VPS37B: variants seen among roughly 807,000 people sequenced by gnomAD.
VPS37B encodes vacuolar protein sorting-associated protein 37B.
A neutral mutation model predicts 21.2 loss-of-function variants in VPS37B; 11 were observed. The observed-to-expected ratio is 0.52, with a 90% CI of 0.33 to 0.86. The LOEUF (loss-of-function observed/expected upper bound fraction) is 0.86, where lower values mean the gene tolerates loss of function less well. Ranked by LOEUF, VPS37B falls within the 40% of genes least tolerant of loss-of-function variation. The pLI is 0.03. For synonymous variants in VPS37B, 175 were observed against 159.6 expected, an observed-to-expected ratio of 1.10 and a Z score of -0.73; for missense variants, 389 against 374.8, an observed-to-expected ratio of 1.04 and a Z score of -0.31.
intron 1 of VPS37B, chr12:122,885,808 C>G (rs1031158784): frequency 1.3e-5 from 2 of 149,138 alleles, no homozygotes; most frequent in African/African-American, 4.9e-5. Context: ...CTCAGCCTCC[C>G]GAGTAGCTGG....
chr12:122,873,369 G>A (rs1038871748), intron 1 of VPS37B: 2 of 152,158 alleles, frequency 1.3e-5, no homozygotes, highest in Non-Finnish European at 1.5e-5. Context: ...TTCTCCTGCT[G>A]GTCTCACCTG....
rs140790185 is a variant in VPS37B at position 122,893,102 on chromosome 12, T to C, written c.111+2850A>G. Among the ~76,000 whole-genome samples the C allele has an allele frequency of 1.2e-3, 175 of 151,936 alleles. 1 individual carries two copies. Among genetic ancestry groups the C allele is most frequent in the African/African-American group, 3.9e-3 (161 of 41,430 alleles). ...AAAAGGTAAATGTTTTTTAGGCTAA[T>C]TGCAAATCATAATTTACTCAACATT... On this transcript the variant is annotated intron_variant, in intron 1 of 3. Transcript: ENST00000267202.
At chr12:122,891,185 G>A (rs140689322) in intron 1 of VPS37B, among the ~76,000 whole-genome samples, 2,211 of 152,292 alleles carry the variant, frequency 0.015, 31 homozygotes, top group Non-Finnish European at 0.024. Context: ...TTCTGACTCC[G>A]ACCACTGTGT....
At chr12:122,895,841 C>T (rs1459601956) in intron 1 of VPS37B, 111 bp downstream of exon 1, 3 of 944,756 alleles carry the variant, frequency 3.2e-6, no homozygotes, top group Non-Finnish European at 5.0e-6. Context: ...CTAGCCCAGT[C>T]CCCTCAACAC....
intron 1 of VPS37B, chr12:122,878,625 CAA>C (rs1427442511): frequency 7.0e-6 from 1 of 142,808 alleles, no homozygotes; most frequent in African/African-American, 2.6e-5. Context: ...AATCCAATGA[CAA>C]GAGTCCTTTT....
intron 1 of VPS37B, chr12:122,871,465 A>G (rs969163187): frequency 2.0e-6 from 2 of 990,506 alleles, no homozygotes; most frequent in Non-Finnish European, 2.4e-6. Context: ...TTAAGGAATC[A>G]CTTATCAGCA....
At chr12:122,872,310 G>A in intron 1 of VPS37B, 1 of 985,442 alleles carries the variant, frequency 1.0e-6, no homozygotes. Flanking sequence ...AACCCCAGCA[G>A]GAGGGCTCTT....
At chr12:122,883,876 A>G (rs1361915418) in intron 1 of VPS37B, 1 of 152,212 alleles carries the variant, frequency 6.6e-6, no homozygotes, top group Non-Finnish European at 1.5e-5. Context: ...GAAATATACT[A>G]ACAGGTGTCA....
chr12:122,892,889 C>T (rs1439999151), intron 1 of VPS37B, among the ~76,000 whole-genome samples: 2 of 152,138 alleles, frequency 1.3e-5, no homozygotes, highest in African/African-American at 2.4e-5. Flanking sequence ...GCTGAAACTC[C>T]GTCTCTACTA....
chr12:122,896,007 T>C lies in VPS37B; in HGVS notation c.56A>G (p.Asn19Ser), dbSNP rs147592834. 5.2e-5 allele frequency: 83 copies of C among 1,605,150 alleles called. No individual in the cohort carries two copies. Among genetic ancestry groups the C allele is most frequent in the Non-Finnish European group, 6.3e-5 (74 of 1,177,024 alleles). Residue 19 changes from asparagine to serine, a missense_variant, in exon 1 of 4, where the codon AAC becomes AGC. Physicochemically the swap from Asn to Ser is conservative, Grantham distance 46. Coordinates refer to ENST00000267202, the MANE Select transcript of VPS37B (RefSeq NM_024667.3). ...RFAGLSLVQL[N>S]ELLEDEGQLT... ...CTGGCCCTCGTCCTCCAGCAGCTCG[T>C]TGAGCTGCACCAGCGACAGCCCGGC...
In VPS37B at chr12:122,872,281, C is replaced by A. The variant is rs1466590361; in HGVS notation, c.112-1220G>T. On this transcript the variant is annotated intron_variant, in intron 1 of 3. Transcript: ENST00000267202. ...AAAGAAAGAAGCCCTTGGATCCATG[C>A]CTCAATCAGGAGATCCCTAACCCCA... The A allele has an allele frequency of 4.1e-6, 4 of 985,358 alleles. No homozygotes were observed. In the African/African-American group the frequency reaches 5.2e-5, roughly 13 times the overall value. 61.0% of individuals were successfully genotyped at this position (985,358 alleles called of 1,614,324 possible).
At position 122,872,204 on chromosome 12, in the gene VPS37B, C is replaced by T. The variant is rs568280293; in HGVS notation, c.112-1143G>A. ...TGTCATAGTTCCTGGTGCGCTCACA[C>T]GAGTGCACACGCACCACACACACAA... On this transcript the variant is annotated intron_variant, in intron 1 of 3. Coordinates refer to ENST00000267202, the MANE Select transcript of VPS37B (RefSeq NM_024667.3). 20 of 985,444 alleles carry T rather than the reference C, an allele frequency of 2.0e-5. No individual in the cohort carries two copies. In the South Asian group the frequency reaches 2.8e-4, roughly 14 times the overall value. 61.0% of individuals were successfully genotyped at this position (985,444 alleles called of 1,614,324 possible). A position where few individuals can be genotyped will look rare whatever the true frequency, so the allele number is the denominator to read the frequency against.
At chr12:122,874,972 A>C (rs1439545042) in intron 1 of VPS37B, 1 of 109,684 alleles carries the variant, frequency 9.1e-6, no homozygotes, top group South Asian at 2.7e-4. Context: ...AAAAAAAAAA[A>C]AAAAAAAAAC....
chr12:122,890,388 G>C (rs1393008596), intron 1 of VPS37B, among the ~76,000 whole-genome samples: 1 of 151,066 alleles, frequency 6.6e-6, no homozygotes. Flanking sequence ...CTGAAGTGCA[G>C]TGGCATGATC....
At chr12:122,876,814 A>T (rs909592708) in intron 1 of VPS37B, 5 of 152,194 alleles carry the variant, frequency 3.3e-5, no homozygotes, top group Non-Finnish European at 5.9e-5. Context: ...TCAGCAAGAA[A>T]GAAAAGAGAT....
intron 1 of VPS37B, among the ~76,000 whole-genome samples, chr12:122,895,594 C>G (rs1165946376): frequency 6.6e-6 from 1 of 152,042 alleles, no homozygotes; most frequent in African/African-American, 2.4e-5. Context: ...GCTCCCTAAT[C>G]TCCACTTCAG....
chr12:122,867,007 C>T lies in VPS37B; in HGVS notation c.*109G>A. ...TTCTAAAATCAGACAGACACGCTGG[C>T]CCAGGGCCCCAGAGCCCTTGGCACA... On this transcript the variant is annotated 3_prime_UTR_variant, in exon 4 of 4. Coordinates refer to ENST00000267202, the MANE Select transcript of VPS37B (RefSeq NM_024667.3). This position sits in a 1 kb window ranked among gnomAD's most constrained non-coding sequence, Gnocchi z 5.5. 1 of 1,344,434 alleles carries T rather than the reference C, an allele frequency of 7.4e-7. No individual in the cohort carries two copies. The highest frequency in any genetic ancestry group is 9.7e-7 in the Non-Finnish European group (1 of 1,027,226). 83.3% of individuals were successfully genotyped at this position (1,344,434 alleles called of 1,614,324 possible).
At chr12:122,891,585 C>T (rs1341603457) in intron 1 of VPS37B, among the ~76,000 whole-genome samples, 1 of 152,164 alleles carries the variant, frequency 6.6e-6, no homozygotes, top group Non-Finnish European at 1.5e-5. Flanking sequence ...AAGATTTAAA[C>T]GTAAAAGTTG....
intron 1 of VPS37B, chr12:122,876,926 G>C (rs1335602107): frequency 6.6e-6 from 1 of 152,212 alleles, no homozygotes; most frequent in Non-Finnish European, 1.5e-5. Context: ...CCAATGCTGG[G>C]TCAAGGGTGT....
Sources: allele counts gnomAD v4.1 joint callset (sites outside exome capture counted in the v4.1 genomes callset), GRCh38; gene constraint gnomAD v4.1.1; non-coding constraint Gnocchi (gnomAD v3.1); transcripts MANE v1.5; gene names NCBI Gene and HGNC (gene_info 2026-07-23, HGNC 2026-07-21).